The following CCDC73 variants were observed in gnomAD, a reference collection of about 807,000 sequenced individuals.
The protein encoded by CCDC73 is coiled-coil domain-containing protein 73.
CCDC73 carries 95 observed loss-of-function variants against 116.5 expected under a neutral mutation model. The observed-to-expected ratio is 0.82, with a 90% CI of 0.69 to 0.97. The LOEUF (loss-of-function observed/expected upper bound fraction) is 0.97. Among genes scored for constraint, CCDC73 ranks in the 50% least tolerant of loss-of-function variants. The pLI, the probability that CCDC73 is intolerant of heterozygous loss-of-function variation, is 0.00. For missense variants in CCDC73, 1,066 were observed against 1,206.8 expected, an observed-to-expected ratio of 0.88 and a Z score of 1.73; for synonymous variants, 398 against 401.3, an observed-to-expected ratio of 0.99 and a Z score of 0.10.
At chr11:32,829,941 T>A in the CCDC73 span, 89,390 of 985,476 alleles carry the variant, frequency 0.091, 4,240 homozygotes, top group Non-Finnish European at 0.094. Flanking sequence ...GTCGGCCGCC[T>A]CCCCGGACCG....
At chr11:32,830,379 C>G in the CCDC73 span, 5 of 923,846 alleles carry the variant, frequency 5.4e-6, no homozygotes, top group East Asian at 1.3e-4. Context: ...TTCCGGCGAC[C>G]GAAACCGCGC....
intron 1 of CCDC73, 66 bp downstream of exon 1, chr11:32,794,547 T>A (rs1850706189): frequency 6.6e-6 from 1 of 152,282 alleles, no homozygotes; most frequent in Admixed American, 6.5e-5. Context: ...AAGTGGACCC[T>A]GCATGAAAAG....
At chr11:32,619,586 G>T (rs1160916094) in intron 14 of CCDC73, among the ~76,000 whole-genome samples, 2 of 152,000 alleles carry the variant, frequency 1.3e-5, no homozygotes, top group Non-Finnish European at 2.9e-5. Flanking sequence ...GGCAGGAGGA[G>T]TGGTTAAGCT....
chr11:32,757,698 C>T (rs1221355791), intron 2 of CCDC73, among the ~76,000 whole-genome samples: 1 of 152,164 alleles, frequency 6.6e-6, no homozygotes, highest in African/African-American at 2.4e-5. Context: ...ATCTTCAAAG[C>T]TAGCAGCATA....
At chr11:32,685,703 C>G (rs959862038) in intron 6 of CCDC73, among the ~76,000 whole-genome samples, 1 of 145,720 alleles carries the variant, frequency 6.9e-6, no homozygotes, top group Non-Finnish European at 1.5e-5. Flanking sequence ...ACGAATGTGA[C>G]AAAGCCTGAC....
intron 2 of CCDC73, among the ~76,000 whole-genome samples, chr11:32,753,724 C>G (rs2133369784): frequency 6.6e-6 from 1 of 152,274 alleles, no homozygotes; most frequent in East Asian, 1.9e-4. Context: ...CCTCAGCCTC[C>G]CAAAGTGCTA....
At position 32,789,199 on chromosome 11, in the gene CCDC73, G is replaced by A. The variant is rs116154101; in HGVS notation, c.-16+5414C>T. 7.2e-3 allele frequency among the ~76,000 whole-genome samples: 1,094 copies of A among 151,864 alleles called. 17 individuals are homozygous for A. The highest frequency in any genetic ancestry group is 0.025 in the African/African-American group (1,054 of 41,426). On this transcript the variant is annotated intron_variant, in intron 1 of 17. Coordinates refer to ENST00000335185, the MANE Select transcript of CCDC73 (RefSeq NM_001008391.4). ...AAGATTAAATGCTTAGCCTTAGGGGGAAAAAAAGGGAATAATACTCCTCTC... is the reference window on the plus strand; with the variant it reads ...AAGATTAAATGCTTAGCCTTAGGGGAAAAAAAAGGGAATAATACTCCTCTC...
intron 1 of CCDC73, among the ~76,000 whole-genome samples, chr11:32,787,525 C>T (rs1850638943): frequency 6.6e-6 from 1 of 152,076 alleles, no homozygotes; most frequent in Admixed American, 6.5e-5. Context: ...TGGTAAAGAA[C>T]CATAAGTTTC....
At position 32,741,466 on chromosome 11, in the gene CCDC73, CA is replaced by C. The variant is rs200162314; in HGVS notation, c.135+18642del. Among the ~76,000 whole-genome samples the C allele has an allele frequency of 7.1e-3, 1,086 of 152,114 alleles. 17 individuals are homozygous for C. The highest frequency in any genetic ancestry group is 0.025 in the African/African-American group (1,047 of 41,526). On this transcript the variant is annotated intron_variant, in intron 2 of 17. Transcript: ENST00000335185. Reference sequence around the variant, plus strand: ...AAACACCTTCTTTGTTTTCTCAAAACAAAAACTATTTTGTCTGATATAAATA... The same window carrying C: ...AAACACCTTCTTTGTTTTCTCAAAACAAAACTATTTTGTCTGATATAAATA...
chr11:32,706,503 C>T (rs748516228), intron 3 of CCDC73, among the ~76,000 whole-genome samples: 11 of 152,078 alleles, frequency 7.2e-5, no homozygotes, highest in Non-Finnish European at 1.0e-4. Context: ...GGTAAAGACA[C>T]GTATAAGTAC....
intron 2 of CCDC73, among the ~76,000 whole-genome samples, chr11:32,749,805 T>C (rs769525809): frequency 6.6e-6 from 1 of 152,202 alleles, no homozygotes; most frequent in South Asian, 2.1e-4. Context: ...TTGGTGGTCT[T>C]GGATAAGATC....
chr11:32,663,724 G>A (rs1378272047), intron 9 of CCDC73, among the ~76,000 whole-genome samples: 2 of 152,182 alleles, frequency 1.3e-5, no homozygotes, highest in African/African-American at 2.4e-5. Flanking sequence ...ATGTTGAATA[G>A]GAGTGGTGAG....
At chr11:32,699,576 T>C (rs1266674113) in intron 5 of CCDC73, among the ~76,000 whole-genome samples, 1 of 152,142 alleles carries the variant, frequency 6.6e-6, no homozygotes, top group East Asian at 1.9e-4. Context: ...TTCATGTCCT[T>C]TGTAGGGACA....
At chr11:32,674,838 A>G (rs1485138760) in intron 9 of CCDC73, among the ~76,000 whole-genome samples, 1 of 152,210 alleles carries the variant, frequency 6.6e-6, no homozygotes, top group African/African-American at 2.4e-5. Context: ...TCAAAACAAA[A>G]ATCTAGATAA....
chr11:32,800,504 A>G, the CCDC73 span, among the ~76,000 whole-genome samples: 1 of 152,178 alleles, frequency 6.6e-6, no homozygotes, highest in African/African-American at 2.4e-5. Context: ...TCCTAATAGA[A>G]TAGGTTTTCT....
chr11:32,727,889 A>T (rs1353856046), intron 2 of CCDC73, among the ~76,000 whole-genome samples: 1 of 151,796 alleles, frequency 6.6e-6, no homozygotes, highest in Non-Finnish European at 1.5e-5. Flanking sequence ...TATTACTGTG[A>T]TTTTTCTAAG....
chr11:32,681,618 GTTAT>G, intron 7 of CCDC73: 1 of 151,936 alleles, frequency 6.6e-6, no homozygotes, highest in Non-Finnish European at 1.5e-5. Flanking sequence ...TATTTTTCAA[GTTAT>G]TTCTTTTAGG....
rs1443156697 is a variant in CCDC73, at chr11:32,613,956, G to A, written c.2362C>T (p.Gln788Ter). 6.2e-7 allele frequency: 1 copy of A among 1,611,018 alleles called. No homozygotes were observed. The highest frequency in any genetic ancestry group is 1.7e-5 in the Admixed American group (1 of 60,006). Reference sequence around the variant, plus strand: ...ACAGCAGTTTTCACATCTTTGGCTTGTGAAGCATGACTATTCTCATTGTTA... The same window carrying A: ...ACAGCAGTTTTCACATCTTTGGCTTATGAAGCATGACTATTCTCATTGTTA... ...HLNNENSHAS[Q>*]AKDVKTAVHM... Residue 788 changes from glutamine (Q) to a stop codon, truncating the protein, a stop_gained, in exon 16 of 18, where the codon CAA becomes TAA. Coordinates refer to ENST00000335185, the MANE Select transcript of CCDC73 (RefSeq NM_001008391.4). LOFTEE classifies it high-confidence loss of function.
At chr11:32,685,765 A>G (rs4756163) in intron 6 of CCDC73, among the ~76,000 whole-genome samples, 38,884 of 132,940 alleles carry the variant, frequency 0.29, 6,059 homozygotes, top group East Asian at 0.79. Context: ...CTCTGTCACC[A>G]GGTTGGAGTG....
Sources: allele counts gnomAD v4.1 joint callset (sites outside exome capture counted in the v4.1 genomes callset), GRCh38; gene constraint gnomAD v4.1.1; transcripts MANE v1.5; gene names NCBI Gene and HGNC (gene_info 2026-07-23, HGNC 2026-07-21).